ACYP2: variants seen among roughly 807,000 people sequenced by gnomAD.
ACYP2 encodes the protein acylphosphatase 2.
ACYP2 carries 12 observed loss-of-function variants against 11.2 expected under a neutral mutation model. That is an observed-to-expected ratio of 1.08 (90% CI 0.69 to 1.74). The LOEUF (loss-of-function observed/expected upper bound fraction) is 1.74, where lower values mean the gene tolerates loss of function less well. Ranked by LOEUF, ACYP2 falls within the 40% of genes most tolerant of loss-of-function variation. The pLI is 0.00. For missense variants in ACYP2, 134 were observed against 101.9 expected (o/e 1.31, Z -1.35); for synonymous variants, 43 against 32.2 (o/e 1.33, Z -1.13).
At chr2:54,013,213 C>T (rs540591150) in intron 2 of ACYP2, among the ~76,000 whole-genome samples, 14 of 134,692 alleles carry the variant, frequency 1.0e-4, no homozygotes, top group African/African-American at 3.8e-4. Context: ...GTTCCCTTCC[C>T]CTGCCATGTT....
intron 6 of ACYP2, among the ~76,000 whole-genome samples, chr2:54,196,801 A>C (rs1321303289): frequency 6.6e-6 from 1 of 152,234 alleles, no homozygotes; most frequent in Admixed American, 6.5e-5. Context: ...CCATGGTGCT[A>C]GAAGATAGCC....
At chr2:54,029,875 A>G (rs921316040) in intron 2 of ACYP2, 81 of 277,356 alleles carry the variant, frequency 2.9e-4, no homozygotes, top group African/African-American at 1.7e-3. Flanking sequence ...ATTTGTTCCC[A>G]GAACCAAGCC....
intron 6 of ACYP2, among the ~76,000 whole-genome samples, chr2:54,267,679 A>C (rs1688098758): frequency 6.6e-6 from 1 of 152,220 alleles, no homozygotes; most frequent in Admixed American, 6.5e-5. Flanking sequence ...CAATGTGAGA[A>C]TAGGTTTTCT....
At chr2:53,986,481 C>G (rs1348268129) in intron 2 of ACYP2, among the ~76,000 whole-genome samples, 1 of 146,880 alleles carries the variant, frequency 6.8e-6, no homozygotes, top group South Asian at 2.2e-4. Flanking sequence ...GGATTACAGA[C>G]ACACAGCACC....
intron 4 of ACYP2, among the ~76,000 whole-genome samples, chr2:54,065,083 CTAAATAAATAAATAAATAAATAAA>C (rs58007169): frequency 2.7e-5 from 4 of 148,816 alleles, no homozygotes; most frequent in East Asian, 2.0e-4. Context: ...GACTCCATCT[CTAAATAAATAAATAAATAAATAAA>C]TAAATAAATA....
chr2:54,009,456 C>G (rs962533613), intron 2 of ACYP2, among the ~76,000 whole-genome samples: 2 of 152,038 alleles, frequency 1.3e-5, no homozygotes, highest in African/African-American at 4.8e-5. Context: ...CACCTGTAAT[C>G]CCAGCTACTT....
At position 54,028,699 on chromosome 2, in the gene ACYP2, T is replaced by C. The variant is rs114837011; in HGVS notation, c.63-22259T>C. ...GGCCATTGTATGTTCTTCGGTCCCA[T>C]TGAATTCCCCTAAATACCATTTACT... On this transcript the variant is annotated intron_variant, in intron 2 of 6. Transcript: ENST00000607452. Among the ~76,000 whole-genome samples, 977 of 152,282 alleles carry C rather than the reference T, an allele frequency of 6.4e-3. 7 individuals carry two copies. Among genetic ancestry groups the C allele is most frequent in the African/African-American group, 0.022 (935 of 41,566 alleles).
intron 6 of ACYP2, among the ~76,000 whole-genome samples, chr2:54,161,335 A>G (rs751507765): frequency 5.3e-5 from 8 of 152,238 alleles, no homozygotes; most frequent in Non-Finnish European, 1.0e-4. Flanking sequence ...CCGTGCATCA[A>G]ATTATTTCCA....
intron 6 of ACYP2, among the ~76,000 whole-genome samples, chr2:54,264,408 T>A (rs1010608780): frequency 6.6e-6 from 1 of 152,146 alleles, no homozygotes; most frequent in Non-Finnish European, 1.5e-5. Context: ...GTGTTTACAA[T>A]CCTCTAGCTA....
chr2:54,050,679 T>C (rs2103616963), intron 2 of ACYP2, among the ~76,000 whole-genome samples: 1 of 152,280 alleles, frequency 6.6e-6, no homozygotes, highest in East Asian at 1.9e-4. Context: ...ACCGCTCCAG[T>C]GCTGGGTAAA....
At chr2:54,266,590 C>CTTTTTTTTTTTATTTTTTTT (rs1688034361) in intron 6 of ACYP2, among the ~76,000 whole-genome samples, 1 of 52,242 alleles carries the variant, frequency 1.9e-5, no homozygotes, top group African/African-American at 7.6e-5. Flanking sequence ...ATCTATCTAT[C>CTTTTTTTTTTTATTTTTTTT]TTTTTTTTTT....
intron 6 of ACYP2, among the ~76,000 whole-genome samples, chr2:54,279,319 A>G (rs1688744813): frequency 6.6e-6 from 1 of 152,164 alleles, no homozygotes; most frequent in African/African-American, 2.4e-5. Context: ...CTGCTTGTGC[A>G]CTATAGTGAC....
chr2:54,304,635 G>A (rs1248514248), intron 6 of ACYP2, 53 bp from the exon 4 acceptor site: 24 of 1,325,976 alleles, frequency 1.8e-5, no homozygotes, highest in Non-Finnish European at 2.1e-5. Flanking sequence ...CATTTTAGCT[G>A]ATCCATGTAT....
chr2:54,183,019 C>G (rs1045072423), intron 6 of ACYP2, among the ~76,000 whole-genome samples: 1 of 152,158 alleles, frequency 6.6e-6, no homozygotes, highest in Non-Finnish European at 1.5e-5. Flanking sequence ...GCCATCACCA[C>G]CATTTAACAT....
intron 6 of ACYP2, among the ~76,000 whole-genome samples, chr2:54,300,434 A>C (rs192593542): frequency 6.6e-6 from 1 of 152,282 alleles, no homozygotes; most frequent in Non-Finnish European, 1.5e-5. Flanking sequence ...GAGTTCATGT[A>C]TTCTTCCCTG....
At chr2:54,125,405 C>CA (rs1056409731) in intron 4 of ACYP2, among the ~76,000 whole-genome samples, 1 of 151,950 alleles carries the variant, frequency 6.6e-6, no homozygotes, top group Non-Finnish European at 1.5e-5. Context: ...TCTGAAAGAT[C>CA]AAAAATCCCA....
chr2:54,270,189 GT>G (rs201266614), intron 6 of ACYP2, among the ~76,000 whole-genome samples: 2 of 151,792 alleles, frequency 1.3e-5, no homozygotes, highest in Non-Finnish European at 2.9e-5. Context: ...ATCATTGTTA[GT>G]TTTTTTATGT....
At chr2:54,279,384 G>A (rs377089310) in intron 6 of ACYP2, among the ~76,000 whole-genome samples, 7 of 152,168 alleles carry the variant, frequency 4.6e-5, no homozygotes, top group Non-Finnish European at 7.3e-5. Context: ...CACATATACC[G>A]AGGCTATATG....
At chr2:54,294,586 A>T (rs1223932486) in intron 6 of ACYP2, among the ~76,000 whole-genome samples, 1 of 152,132 alleles carries the variant, frequency 6.6e-6, no homozygotes, top group East Asian at 1.9e-4. Flanking sequence ...GCCTTTGTGC[A>T]AGATTATGTT....
Sources: gnomAD v4.1 joint callset for allele counts (sites outside exome capture counted in the v4.1 genomes callset) on GRCh38, gnomAD v4.1.1 for gene constraint, MANE v1.5 for transcripts, NCBI Gene and HGNC (gene_info 2026-07-23, HGNC 2026-07-21) for gene names.